Variants in ZBTB11 observed in about 807,000 individuals in gnomAD.
ZBTB11 encodes zinc finger and BTB domain containing 11.
ZBTB11 carries 68 observed loss-of-function variants against 113.1 expected under a neutral mutation model. The ratio of observed to expected loss-of-function variants is 0.60; its 90% CI spans 0.49 to 0.74. ZBTB11 has a LOEUF of 0.74. ZBTB11 is among the 30% of genes least tolerant of loss of function. The pLI, the probability that ZBTB11 is intolerant of heterozygous loss-of-function variation, is 0.00. For missense variants in ZBTB11, 1,104 were observed against 1,279.4 expected, an observed-to-expected ratio of 0.86 and a Z score of 2.09; for synonymous variants, 518 against 452.6, an observed-to-expected ratio of 1.14 and a Z score of -1.83.
chr3:101,654,562 G>A, intron 8 of ZBTB11, 142 bp downstream of exon 8: 1 of 630,744 alleles, frequency 1.6e-6, no homozygotes, highest in East Asian at 2.8e-5. Flanking sequence ...GTTAAAAATA[G>A]TAACCCTTAA....
At chr3:101,668,950 T>A (rs1244479762) in intron 3 of ZBTB11, among the ~76,000 whole-genome samples, 1 of 152,084 alleles carries the variant, frequency 6.6e-6, no homozygotes, top group East Asian at 1.9e-4. Context: ...TGGACAATTA[T>A]AACAGAAGGA....
intron 1 of ZBTB11, among the ~76,000 whole-genome samples, chr3:101,672,875 CTCTGA>C (rs1336656942): frequency 6.6e-6 from 1 of 152,224 alleles, no homozygotes; most frequent in Non-Finnish European, 1.5e-5. Context: ...TGCACCAGTT[CTCTGA>C]TCTTTGTCCC....
rs554721459 is a variant in ZBTB11 at position 101,654,705 on chromosome 3, G to A, written c.2308C>T (p.Gln770Ter). The change falls in exon 8 of 11, where the codon CAA (glutamine) becomes TAA (stop). Residue 770 changes from glutamine to a stop codon, truncating the protein, a stop_gained and splice_region_variant. Coordinates refer to ENST00000312938, the MANE Select transcript of ZBTB11 (RefSeq NM_014415.4). LOFTEE classifies it high-confidence loss of function. ...ATGCCTCACATATTGAATACTTACT[G>A]AGTACAATGATAGCCTCGAACCTCA... is the stretch of plus-strand genomic sequence containing the variant. ...KPEVRGYHCT[Q>*]CEKSFFEARD... 1.2e-6 allele frequency: 2 copies of A among 1,612,256 alleles called. No homozygotes were observed. The highest frequency in any genetic ancestry group is 1.7e-6 in the Non-Finnish European group (2 of 1,178,534).
intron 5 of ZBTB11, 52 bp from the exon 6 acceptor site, chr3:101,660,080 A>G (rs772563575): frequency 6.4e-7 from 1 of 1,561,154 alleles, no homozygotes; most frequent in East Asian, 2.3e-5. Flanking sequence ...CAAAATGTTA[A>G]CTGAAACTCA....
intron 1 of ZBTB11, among the ~76,000 whole-genome samples, chr3:101,675,550 T>A (rs915203278): frequency 4.6e-5 from 7 of 152,256 alleles, no homozygotes; most frequent in Non-Finnish European, 8.8e-5. Flanking sequence ...TAAATGGGAC[T>A]ATAAACTATT....
Position 101,652,173 on chromosome 3 carries a change from A to G in ZBTB11, c.2644+323T>C, listed in dbSNP as rs1346590439. Among the ~76,000 whole-genome samples the G allele has an allele frequency of 3.3e-5, 5 of 152,118 alleles. No individual in the cohort carries two copies. The South Asian group carries it at 6.2e-4, about 19-fold the overall frequency. ...AAGATTCTGAACTATAAATCTCTCT[A>G]AAGATCTTCCTGCGGACAGATGTGA... On this transcript the variant is annotated intron_variant, in intron 10 of 10. Coordinates refer to ENST00000312938, the MANE Select transcript of ZBTB11 (RefSeq NM_014415.4).
chr3:101,651,021 A>G lies in ZBTB11; in HGVS notation c.*145T>C. Reference sequence around the variant, plus strand: ...TTTCTATAGAACCCATTGGCCAGACAAAATGTTTGGAAACGTTACGTTACC... The same window carrying G: ...TTTCTATAGAACCCATTGGCCAGACGAAATGTTTGGAAACGTTACGTTACC... On this transcript the variant is annotated 3_prime_UTR_variant, in exon 11 of 11. Transcript: ENST00000312938. 1 of 931,558 alleles carries G rather than the reference A, an allele frequency of 1.1e-6. No individual in the cohort carries two copies. Among genetic ancestry groups the G allele is most frequent in the South Asian group, 2.0e-5 (1 of 49,728 alleles). The allele number at this position is 931,558 out of a possible 1,614,324, so 57.7% of individuals were successfully genotyped here.
chr3:101,671,651 G>A (rs1937087668), intron 2 of ZBTB11: 1 of 576,236 alleles, frequency 1.7e-6, no homozygotes. Flanking sequence ...ACAAAGACCT[G>A]GCCAGATTAA....
intron 6 of ZBTB11, among the ~76,000 whole-genome samples, chr3:101,657,419 T>C (rs1208244092): frequency 6.6e-6 from 1 of 151,650 alleles, no homozygotes; most frequent in Non-Finnish European, 1.5e-5. Flanking sequence ...GGCAGGAGAA[T>C]TGCTTGAACC....
intron 1 of ZBTB11, among the ~76,000 whole-genome samples, chr3:101,675,589 T>A (rs895684436): frequency 6.6e-6 from 1 of 152,232 alleles, no homozygotes; most frequent in African/African-American, 2.4e-5. Context: ...GAATATTCAT[T>A]AACTGTGGAG....
intron 1 of ZBTB11, 128 bp downstream of exon 1, chr3:101,676,477 T>C (rs575666609): frequency 3.0e-6 from 3 of 990,720 alleles, no homozygotes; most frequent in Middle Eastern, 3.4e-4. Context: ...CGGCTCCGCC[T>C]GGCAGCAGCT....
At position 101,665,379 on chromosome 3, in the gene ZBTB11, G is replaced by C; in HGVS notation, c.1208C>G (p.Ala403Gly). ...ESALSSVGCIADSHPEMESVD... is the reference protein window; with the variant it reads ...ESALSSVGCIGDSHPEMESVD... ...AGACTCCATTTCAGGATGGGAATCA[G>C]CTATACATCCTACTGATGACAGGGC... Residue 403 changes from alanine to glycine, a missense_variant, in exon 4 of 11, where the codon GCT (alanine) becomes GGT (glycine). Ala to Gly is a moderately conservative substitution (Grantham distance 60). Transcript: ENST00000312938. The C allele has an allele frequency of 6.2e-7, 1 of 1,614,186 alleles. No individual in the cohort carries two copies.
intron 5 of ZBTB11, among the ~76,000 whole-genome samples, chr3:101,662,814 T>A (rs1368669664): frequency 6.6e-6 from 1 of 152,028 alleles, no homozygotes; most frequent in African/African-American, 2.4e-5. Flanking sequence ...CAGGCTGGGG[T>A]GCAGTAGGGC....
rs201802183 is a variant in ZBTB11, at chr3:101,659,957, T to C, written c.1872A>G (p.Ala624=). The stretch of plus-strand genomic sequence containing the variant: ...TGGAATTGGACGAGGATGAAGAGGG[T>C]GCATCTTTTCTGGTATGACGAATAA... ...AHLIRHTRKD[A]PSSSSSNSTS... Residue 624 remains alanine, a synonymous_variant, in exon 6 of 11, where the codon GCA becomes GCG. Coordinates refer to ENST00000312938, the MANE Select transcript of ZBTB11 (RefSeq NM_014415.4). 6 of 1,614,042 alleles carry C rather than the reference T, an allele frequency of 3.7e-6. No homozygotes were observed. The highest frequency in any genetic ancestry group is 4.2e-6 in the Non-Finnish European group (5 of 1,180,030).
intron 8 of ZBTB11, among the ~76,000 whole-genome samples, chr3:101,654,420 A>AGGG (rs999837158): frequency 5.9e-5 from 9 of 152,166 alleles, no homozygotes; most frequent in Admixed American, 5.9e-4. Flanking sequence ...AATGAAGAAG[A>AGGG]GGGGGGGAAA....
At chr3:101,657,595 G>A (rs959282568) in intron 6 of ZBTB11, among the ~76,000 whole-genome samples, 1 of 151,938 alleles carries the variant, frequency 6.6e-6, no homozygotes, top group African/African-American at 2.4e-5. Context: ...CATGTACCAC[G>A]AGCTGGTAAC....
At chr3:101,655,980 A>T in intron 7 of ZBTB11, 124 bp downstream of exon 7, 1 of 849,258 alleles carries the variant, frequency 1.2e-6, no homozygotes, top group Non-Finnish European at 1.6e-6. Flanking sequence ...AATTTAAAAT[A>T]CTGTCTCAAT....
intron 5 of ZBTB11, among the ~76,000 whole-genome samples, chr3:101,661,563 C>G (rs1463045180): frequency 6.6e-6 from 1 of 152,172 alleles, no homozygotes; most frequent in African/African-American, 2.4e-5. Flanking sequence ...AGATTTTAAA[C>G]ACATGGTGTG....
intron 1 of ZBTB11, 33 bp from the exon 2 acceptor site, chr3:101,672,246 T>C (rs1937096708): frequency 1.4e-6 from 2 of 1,441,170 alleles, no homozygotes; most frequent in Non-Finnish European, 1.9e-6. Flanking sequence ...TCAAATTTAA[T>C]ACTGTTAACT....
Sources: gnomAD v4.1 joint callset for allele counts (sites outside exome capture counted in the v4.1 genomes callset) on GRCh38, gnomAD v4.1.1 for gene constraint, MANE v1.5 for transcripts, NCBI Gene and HGNC (gene_info 2026-07-23, HGNC 2026-07-21) for gene names.